EDIL3: variants seen among roughly 807,000 people sequenced by gnomAD.
The protein encoded by EDIL3 is EGF-like repeat and discoidin I-like domain-containing protein 3.
In EDIL3, 37 loss-of-function variants were observed where a neutral mutation model predicts 67.4. The observed-to-expected ratio is 0.55, with a 90% confidence interval of 0.42 to 0.72. The LOEUF (loss-of-function observed/expected upper bound fraction) is 0.72, where lower values mean the gene tolerates loss of function less well. EDIL3 is among the 30% of genes least tolerant of loss of function. EDIL3 has a pLI of 0.00. For missense variants in EDIL3, 527 were observed against 586.3 expected, an observed-to-expected ratio of 0.90 and a Z score of 1.04; for synonymous variants, 195 against 196.3, an observed-to-expected ratio of 0.99 and a Z score of 0.05.
chr5:84,301,117 A>T (rs546797417), intron 1 of EDIL3, among the ~76,000 whole-genome samples: 33 of 152,240 alleles, frequency 2.2e-4, no homozygotes, highest in African/African-American at 7.0e-4. Flanking sequence ...TAAAAATACA[A>T]AATTAGCTGA....
intron 9 of EDIL3, among the ~76,000 whole-genome samples, chr5:83,986,063 G>A (rs1464461900): frequency 1.3e-5 from 2 of 152,022 alleles, no homozygotes; most frequent in African/African-American, 4.8e-5. Flanking sequence ...AAAAGTGAAG[G>A]AGTGGTTAAA....
chr5:84,291,039 T>C (rs1716476107), intron 1 of EDIL3, among the ~76,000 whole-genome samples: 1 of 152,172 alleles, frequency 6.6e-6, no homozygotes, highest in South Asian at 2.1e-4. Context: ...ATCTCCTTGA[T>C]AACCTGCTTT....
intron 1 of EDIL3, among the ~76,000 whole-genome samples, chr5:84,345,477 T>C (rs927144353): frequency 5.3e-5 from 8 of 151,972 alleles, no homozygotes; most frequent in Non-Finnish European, 1.0e-4. Flanking sequence ...AGCATAGCAA[T>C]AGCTCTCCAA....
At chr5:84,348,611 C>T (rs1456980005) in intron 1 of EDIL3, among the ~76,000 whole-genome samples, 2 of 150,532 alleles carry the variant, frequency 1.3e-5, no homozygotes, top group African/African-American at 4.9e-5. Flanking sequence ...AAAAAAAACA[C>T]CTGTTCGAAA....
At chr5:84,176,212 T>TATATATATATATATATATATATAAA (rs1561453820) in intron 4 of EDIL3, among the ~76,000 whole-genome samples, 2 of 121,488 alleles carry the variant, frequency 1.6e-5, no homozygotes, top group African/African-American at 8.6e-5. Flanking sequence ...TATATATATA[T>TATATATATATATATATATATATAAA]ATATATATAT....
chr5:83,986,774 C>T (rs1480597579), intron 9 of EDIL3, among the ~76,000 whole-genome samples: 1 of 152,014 alleles, frequency 6.6e-6, no homozygotes, highest in Non-Finnish European at 1.5e-5. Context: ...AGGAGTTAGA[C>T]AGTGGAGAAA....
intron 9 of EDIL3, among the ~76,000 whole-genome samples, chr5:83,990,282 A>T (rs1175758683): frequency 6.6e-6 from 1 of 152,114 alleles, no homozygotes; most frequent in Non-Finnish European, 1.5e-5. Flanking sequence ...AAGTCAAAAG[A>T]TTGAGACCAT....
intron 2 of EDIL3, among the ~76,000 whole-genome samples, chr5:84,240,292 T>C (rs1744769611): frequency 6.6e-6 from 1 of 152,166 alleles, no homozygotes. Context: ...AAGAGCTTTG[T>C]GTTCTTTTGT....
chr5:84,314,133 T>C (rs946172339), intron 1 of EDIL3, among the ~76,000 whole-genome samples: 8 of 151,746 alleles, frequency 5.3e-5, no homozygotes, highest in African/African-American at 1.9e-4. Context: ...GAGGCGGAGG[T>C]TGCAGTGAGC....
chr5:83,948,596 A>T (rs1016701689), intron 10 of EDIL3, among the ~76,000 whole-genome samples: 15 of 151,634 alleles, frequency 9.9e-5, no homozygotes, highest in Admixed American at 7.2e-4. Context: ...CAAAAATCAA[A>T]TTTTTTTTAT....
intron 1 of EDIL3, among the ~76,000 whole-genome samples, chr5:84,321,562 A>G (rs1181714586): frequency 6.6e-6 from 1 of 152,164 alleles, no homozygotes; most frequent in Non-Finnish European, 1.5e-5. Context: ...TCTTAGCACA[A>G]TAGCAGCTCC....
intron 5 of EDIL3, among the ~76,000 whole-genome samples, chr5:84,132,404 ATTT>A (rs1208852581): frequency 2.0e-4 from 1 of 4,894 alleles, no homozygotes; most frequent in South Asian, 3.6e-3. Flanking sequence ...TATAATATAT[ATTT>A]TAACATATAT....
intron 8 of EDIL3, among the ~76,000 whole-genome samples, chr5:84,063,426 G>C (rs1457048552): frequency 6.6e-6 from 1 of 152,090 alleles, no homozygotes; most frequent in Non-Finnish European, 1.5e-5. Context: ...AAATATCTCT[G>C]TTAGGAAAAT....
intron 4 of EDIL3, among the ~76,000 whole-genome samples, chr5:84,141,956 T>TATATATATATATATACATAG (rs1748205956): frequency 4.6e-5 from 3 of 65,046 alleles, no homozygotes; most frequent in African/African-American, 1.5e-4. Flanking sequence ...TACATAGATC[T>TATATATATATATATACATAG]ATCTATCTAT....
At chr5:83,994,421 A>T (rs2112162626) in intron 9 of EDIL3, among the ~76,000 whole-genome samples, 1 of 149,728 alleles carries the variant, frequency 6.7e-6, no homozygotes, top group South Asian at 2.1e-4. Context: ...AATTTAGGCT[A>T]CTATGTAAAG....
At chr5:84,282,922 A>C (rs1745733111) in intron 1 of EDIL3, among the ~76,000 whole-genome samples, 1 of 152,142 alleles carries the variant, frequency 6.6e-6, no homozygotes, top group Admixed American at 6.5e-5. Flanking sequence ...TGTTTCACAC[A>C]CTTTTTGAAA....
intron 3 of EDIL3, among the ~76,000 whole-genome samples, chr5:84,229,407 G>C (rs982793539): frequency 6.6e-6 from 1 of 152,116 alleles, no homozygotes; most frequent in African/African-American, 2.4e-5. Flanking sequence ...CTTAAGCCTA[G>C]TGAATATGAT....
At chr5:84,182,502 GAA>G (rs113088246) in intron 3 of EDIL3, among the ~76,000 whole-genome samples, 2 of 149,506 alleles carry the variant, frequency 1.3e-5, no homozygotes. Context: ...TTGTGAATAG[GAA>G]AAAAAAAATC....
chr5:84,371,004 A>T lies in EDIL3; in HGVS notation c.67+13304T>A, dbSNP rs189485314. On this transcript the variant is annotated intron_variant, in intron 1 of 10. Coordinates refer to ENST00000296591, the MANE Select transcript of EDIL3 (RefSeq NM_005711.5). ...TAAGGTACCACGTTTGGAGCTGGGT[A>T]TACATTAAGGAACAGAGATATTCTT... 2.0e-5 allele frequency among the ~76,000 whole-genome samples: 3 copies of T among 152,238 alleles called. No homozygotes were observed. The East Asian group carries it at 5.8e-4, about 29-fold the overall frequency.
Sources: allele counts gnomAD v4.1 joint callset (sites outside exome capture counted in the v4.1 genomes callset), GRCh38; gene constraint gnomAD v4.1.1; transcripts MANE v1.5; gene names NCBI Gene and HGNC (gene_info 2026-07-23, HGNC 2026-07-21).